The following TMEM117 variants were observed in gnomAD, a reference collection of about 807,000 sequenced individuals.
TMEM117 encodes the protein transmembrane protein 117.
A neutral mutation model predicts 52.4 loss-of-function variants in TMEM117; 27 were observed. The ratio of observed to expected loss-of-function variants is 0.51; its 90% confidence interval spans 0.38 to 0.71. The LOEUF (loss-of-function observed/expected upper bound fraction) is 0.71, where lower values mean the gene tolerates loss of function less well. Among genes scored for constraint, TMEM117 ranks in the 30% least tolerant of loss-of-function variants. The probability of loss-of-function intolerance (pLI) is 0.00; values close to 1 mark genes in which losing one functional copy is unlikely to be tolerated. For missense variants in TMEM117, 556 were observed against 630.5 expected (o/e 0.88, Z 1.26); for synonymous variants, 215 against 206.3 (o/e 1.04, Z -0.36).
chr12:44,162,895 C>T (rs1341006275), intron 4 of TMEM117, among the ~76,000 whole-genome samples: 1 of 152,100 alleles, frequency 6.6e-6, no homozygotes, highest in Non-Finnish European at 1.5e-5. Flanking sequence ...TTTTTGCTCC[C>T]TAGGAAAAAT....
intron 6 of TMEM117, among the ~76,000 whole-genome samples, chr12:44,364,048 A>G (rs1951758184): frequency 1.3e-5 from 2 of 152,174 alleles, no homozygotes; most frequent in Non-Finnish European, 2.9e-5. Context: ...CTGGGTTTAT[A>G]TGGGGAAAAA....
At chr12:43,959,038 A>T (rs1288033530) in intron 3 of TMEM117, among the ~76,000 whole-genome samples, 2 of 151,992 alleles carry the variant, frequency 1.3e-5, no homozygotes, top group African/African-American at 4.8e-5. Context: ...TGATCTCCTG[A>T]CCTCGTGATC....
At chr12:44,214,006 A>G (rs1037071452) in intron 5 of TMEM117, among the ~76,000 whole-genome samples, 2 of 152,104 alleles carry the variant, frequency 1.3e-5, no homozygotes, top group Admixed American at 6.6e-5. Flanking sequence ...ATAGGCCCCT[A>G]TGATTGTTGT....
intron 6 of TMEM117, among the ~76,000 whole-genome samples, chr12:44,364,354 G>C (rs369106092): frequency 2.3e-3 from 346 of 152,122 alleles, no homozygotes; most frequent in African/African-American, 8.0e-3. Flanking sequence ...ACCACCTTCA[G>C]AACTCCACTG....
chr12:43,971,930 C>A (rs1945594655), intron 3 of TMEM117, among the ~76,000 whole-genome samples: 1 of 152,214 alleles, frequency 6.6e-6, no homozygotes, highest in Non-Finnish European at 1.5e-5. Context: ...CAGCCCCTGG[C>A]AACCACTACT....
chr12:44,085,650 C>T (rs965426674), intron 3 of TMEM117, among the ~76,000 whole-genome samples: 2 of 152,168 alleles, frequency 1.3e-5, no homozygotes, highest in East Asian at 3.8e-4. Context: ...TTCTCACCTG[C>T]GAAAGGTAGT....
At chr12:44,084,264 T>C (rs542031506) in intron 3 of TMEM117, among the ~76,000 whole-genome samples, 178 of 152,256 alleles carry the variant, frequency 1.2e-3, no homozygotes, top group African/African-American at 3.9e-3. Context: ...TTAAACATCA[T>C]TTATATTATA....
intron 6 of TMEM117, among the ~76,000 whole-genome samples, chr12:44,324,669 A>T (rs1394532814): frequency 6.6e-6 from 1 of 152,148 alleles, no homozygotes; most frequent in South Asian, 2.1e-4. Context: ...CACATAATTC[A>T]TATATATTTT....
chr12:44,287,255 A>G (rs1422605075), intron 5 of TMEM117, among the ~76,000 whole-genome samples: 1 of 152,198 alleles, frequency 6.6e-6, no homozygotes, highest in Non-Finnish European at 1.5e-5. Flanking sequence ...CAAGCTGATA[A>G]TTATGTATGA....
intron 5 of TMEM117, among the ~76,000 whole-genome samples, chr12:44,219,101 G>T (rs1216143200): frequency 1.3e-5 from 2 of 152,094 alleles, no homozygotes; most frequent in Non-Finnish European, 2.9e-5. Flanking sequence ...GTTATGTAAA[G>T]GAAGACAAAA....
chr12:44,281,549 T>C (rs1195464070), intron 5 of TMEM117, among the ~76,000 whole-genome samples: 5 of 152,218 alleles, frequency 3.3e-5, no homozygotes, highest in African/African-American at 9.6e-5. Context: ...GTATATAAAT[T>C]CATCCTATTT....
At chr12:43,910,565 G>T (rs1181217369) in intron 2 of TMEM117, among the ~76,000 whole-genome samples, 1 of 151,634 alleles carries the variant, frequency 6.6e-6, no homozygotes, top group African/African-American at 2.4e-5. Context: ...GTCCCTGTTT[G>T]CAGACGACAT....
At chr12:44,233,123 G>C (rs957524751) in intron 5 of TMEM117, among the ~76,000 whole-genome samples, 1 of 150,776 alleles carries the variant, frequency 6.6e-6, no homozygotes, top group Non-Finnish European at 1.5e-5. Context: ...TCTCTGTCTT[G>C]CCTTATTGTG....
rs564487601 is a variant in TMEM117 at position 44,029,747 on chromosome 12, C to T, written c.410+85405C>T. Among the ~76,000 whole-genome samples the T allele has an allele frequency of 4.6e-5, 7 of 152,232 alleles. No individual in the cohort carries two copies. In the South Asian group the frequency reaches 1.5e-3, roughly 32 times the overall value. ...TTTGGTGTGTGTGTCTTTCTGTGTT[C>T]TATAGTGGAGAGGGGTACCTTAGGA... On this transcript the variant is annotated intron_variant, in intron 3 of 7. Transcript: ENST00000266534.
intron 2 of TMEM117, among the ~76,000 whole-genome samples, chr12:43,935,203 G>C (rs1944932298): frequency 6.6e-6 from 1 of 151,998 alleles, no homozygotes; most frequent in African/African-American, 2.4e-5. Context: ...AGTTTTGCCA[G>C]GTTGCCCAGG....
At chr12:44,398,832 CA>C in the TMEM117 span, among the ~76,000 whole-genome samples, 2 of 151,858 alleles carry the variant, frequency 1.3e-5, no homozygotes, top group Non-Finnish European at 2.9e-5. Flanking sequence ...AGTCTACCTT[CA>C]AAAAAAGGTA....
chr12:44,255,296 A>G (rs775190910), intron 5 of TMEM117, among the ~76,000 whole-genome samples: 2 of 152,134 alleles, frequency 1.3e-5, no homozygotes, highest in Non-Finnish European at 2.9e-5. Context: ...AAAAAAACAA[A>G]CAACCCCATC....
intron 5 of TMEM117, among the ~76,000 whole-genome samples, chr12:44,226,693 C>T (rs1182065426): frequency 6.6e-6 from 1 of 151,958 alleles, no homozygotes; most frequent in South Asian, 2.1e-4. Flanking sequence ...GACTGGTGTC[C>T]GTATAAGAAG....
intron 3 of TMEM117, among the ~76,000 whole-genome samples, chr12:44,080,020 A>G (rs976694680): frequency 2.0e-5 from 3 of 150,464 alleles, no homozygotes; most frequent in Non-Finnish European, 4.4e-5. Flanking sequence ...CATCTCAAAA[A>G]AAAAAAAAAA....
Sources: allele counts gnomAD v4.1 joint callset (sites outside exome capture counted in the v4.1 genomes callset), GRCh38; gene constraint gnomAD v4.1.1; transcripts MANE v1.5; gene names NCBI Gene and HGNC (gene_info 2026-07-23, HGNC 2026-07-21).